Variants in RASSF3 observed in about 807,000 individuals in gnomAD.
The protein encoded by RASSF3 is ras association domain-containing protein 3.
Under a neutral mutation model 19.9 loss-of-function variants are expected in RASSF3, and 19 were observed. The ratio of observed to expected loss-of-function variants is 0.96; its 90% CI spans 0.67 to 1.40. The LOEUF is 1.40. RASSF3 is among the 40% of genes most tolerant of loss of function. RASSF3 has a pLI of 0.00. For synonymous variants in RASSF3, 110 were observed against 104.2 expected, an observed-to-expected ratio of 1.06 and a Z score of -0.34; for missense variants, 306 against 289.8, an observed-to-expected ratio of 1.06 and a Z score of -0.41.
intron 2 of RASSF3, among the ~76,000 whole-genome samples, chr12:64,560,920 G>A (rs771817751): frequency 2.3e-4 from 35 of 152,218 alleles, no homozygotes; most frequent in Non-Finnish European, 1.0e-4. Flanking sequence ...TGCTCAGCCT[G>A]GTTGATGGGG....
intron 2 of RASSF3, among the ~76,000 whole-genome samples, chr12:64,594,837 T>C (rs1429537525): frequency 1.3e-5 from 2 of 152,042 alleles, no homozygotes; most frequent in South Asian, 2.1e-4. Context: ...GGTCTTGAAC[T>C]CTTGGGCTCA....
chr12:64,569,065 G>A (rs1237105826), intron 2 of RASSF3, among the ~76,000 whole-genome samples: 1 of 152,202 alleles, frequency 6.6e-6, no homozygotes, highest in African/African-American at 2.4e-5. Flanking sequence ...CAACTAGGGA[G>A]TCTCAAAGTA....
At chr12:64,620,272 T>G (rs548765911) in intron 1 of RASSF3, among the ~76,000 whole-genome samples, 3 of 152,112 alleles carry the variant, frequency 2.0e-5, no homozygotes, top group Non-Finnish European at 4.4e-5. Context: ...GTGTCAGAAT[T>G]TCCTTCCTTT....
At chr12:64,543,474 G>GCCCCCCCGCTGCCCGCCCCCCGCTC (rs1592395596), downstream of RASSF3, among the ~76,000 whole-genome samples, 1 of 10,750 alleles carries the variant, frequency 9.3e-5, no homozygotes, top group Non-Finnish European at 2.0e-4. Context: ...CCACCCGCCT[G>GCCCCCCCGCTGCCCGCCCCCCGCTC]CCCACCCCCC....
intron 2 of RASSF3, among the ~76,000 whole-genome samples, chr12:64,561,987 G>GTATTCATT (rs1555209199): frequency 7.4e-6 from 1 of 135,342 alleles, no homozygotes; most frequent in South Asian, 2.6e-4. Flanking sequence ...ATGGCCCATA[G>GTATTCATT]TATTTATTTA....
chr12:64,547,660 A>T (rs1367342317), intron 2 of RASSF3, among the ~76,000 whole-genome samples: 1 of 152,184 alleles, frequency 6.6e-6, no homozygotes, highest in African/African-American at 2.4e-5. Flanking sequence ...ATATTTAGTT[A>T]TTTGTCAGCT....
chr12:64,582,864 T>C (rs945924471), intron 2 of RASSF3, among the ~76,000 whole-genome samples: 7 of 152,196 alleles, frequency 4.6e-5, no homozygotes, highest in Non-Finnish European at 7.3e-5. Context: ...TCCCACACTT[T>C]TGGCCAGCGT....
chr12:64,530,057 C>A (rs1160449473), upstream of RASSF3, among the ~76,000 whole-genome samples: 1 of 152,182 alleles, frequency 6.6e-6, no homozygotes, highest in Non-Finnish European at 1.5e-5. Context: ...ACAAATCCAT[C>A]ACTCCAAAAG....
intron 2 of RASSF3, among the ~76,000 whole-genome samples, chr12:64,600,779 A>G (rs1174152877): frequency 6.6e-6 from 1 of 152,214 alleles, no homozygotes. Context: ...ATGAAGCTAT[A>G]ACTTAGAGTT....
At chr12:64,536,443 T>A (rs1868829239) in intron 1 of RASSF3, among the ~76,000 whole-genome samples, 2 of 152,242 alleles carry the variant, frequency 1.3e-5, no homozygotes, top group African/African-American at 2.4e-5. Context: ...AAATGTTTCC[T>A]GTGTTGTTAG....
intron 1 of RASSF3, among the ~76,000 whole-genome samples, chr12:64,657,349 A>G (rs1049622067): frequency 1.3e-5 from 2 of 152,216 alleles, no homozygotes; most frequent in Admixed American, 6.5e-5. Flanking sequence ...CTGGAGATGG[A>G]TGGTAGTGAT....
chr12:64,553,439 T>A (rs1869199004), intron 2 of RASSF3, among the ~76,000 whole-genome samples: 1 of 152,164 alleles, frequency 6.6e-6, no homozygotes, highest in Non-Finnish European at 1.5e-5. Context: ...TTGGAAGAGT[T>A]ATTAAGAATT....
intron 1 of RASSF3, among the ~76,000 whole-genome samples, chr12:64,641,908 A>G (rs1190265928): frequency 1.3e-5 from 2 of 151,824 alleles, no homozygotes; most frequent in East Asian, 3.9e-4. Context: ...ACGCCCGGCT[A>G]ATTTTGTATC....
Position 64,695,488 on chromosome 12 carries a change from T to C in RASSF3, c.*576T>C, listed in dbSNP as rs1868342774. 13 of 153,050 alleles carry C rather than the reference T, an allele frequency of 8.5e-5. No homozygotes were observed. The Admixed American group carries it at 8.5e-4, about 10-fold the overall frequency. The allele number at this position is 153,050 out of a possible 1,614,324, so 9.5% of individuals were successfully genotyped here. A position where few individuals can be genotyped will look rare whatever the true frequency, so the allele number is the denominator to read the frequency against. On this transcript the variant is annotated 3_prime_UTR_variant, in exon 5 of 5. Coordinates refer to ENST00000542104, the MANE Select transcript of RASSF3 (RefSeq NM_178169.4). ...CAAAGTGTAAGTTTGGAAGAAGGCA[T>C]GTGCGGTGGTGGCGAGTGCTGCGGG...
intron 1 of RASSF3, among the ~76,000 whole-genome samples, chr12:64,669,599 T>G (rs552770590): frequency 6.6e-6 from 1 of 152,122 alleles, no homozygotes; most frequent in Non-Finnish European, 1.5e-5. Context: ...TTTTCTCTGC[T>G]TCACATCAGC....
At chr12:64,537,529 A>G (rs961298712) in intron 1 of RASSF3, among the ~76,000 whole-genome samples, 2 of 152,110 alleles carry the variant, frequency 1.3e-5, no homozygotes, top group Non-Finnish European at 2.9e-5. Flanking sequence ...ACAACTTAAT[A>G]AGCTAAACAA....
chr12:64,630,266 C>G (rs1312850438), intron 1 of RASSF3, among the ~76,000 whole-genome samples: 1 of 152,118 alleles, frequency 6.6e-6, no homozygotes, highest in Non-Finnish European at 1.5e-5. Context: ...TGGGTCATGC[C>G]TGTAATCCCA....
Position 64,535,781 on chromosome 12 carries a change from G to A in RASSF3, c.67+2447G>A, listed in dbSNP as rs373367300. ...TGGGTCACTGCAACCTTTGCCTTCCGGGTTCCAGTGATTCTCCTGCCCCAG... is the reference window on the plus strand; with the variant it reads ...TGGGTCACTGCAACCTTTGCCTTCCAGGTTCCAGTGATTCTCCTGCCCCAG... On this transcript the variant is annotated intron_variant, in intron 1 of 1. Coordinates refer to the RASSF3 transcript ENST00000636333. Among the ~76,000 whole-genome samples, 23 of 150,980 alleles carry A rather than the reference G, an allele frequency of 1.5e-4. No homozygotes were observed. In the South Asian group the frequency reaches 4.2e-3, roughly 28 times the overall value.
At position 64,650,557 on chromosome 12, in the gene RASSF3, A is replaced by AG. The variant is rs202076464; in HGVS notation, c.112-34228dup. On this transcript the variant is annotated intron_variant, in intron 1 of 4. Coordinates refer to ENST00000542104, the MANE Select transcript of RASSF3 (RefSeq NM_178169.4). Reference sequence around the variant, plus strand: ...CAGCCTTCTAAGTAGCTGGGATTACAGGTGCGCGCCACCACACCCAGCTAA... The same window carrying AG: ...CAGCCTTCTAAGTAGCTGGGATTACAGGGTGCGCGCCACCACACCCAGCTAA... 9.6e-3 allele frequency among the ~76,000 whole-genome samples: 1,460 copies of AG among 151,598 alleles called. 23 individuals are homozygous for AG. Among genetic ancestry groups the AG allele is most frequent in the African/African-American group, 0.034 (1,407 of 41,352 alleles).
Sources: gnomAD v4.1 joint callset for allele counts (sites outside exome capture counted in the v4.1 genomes callset) on GRCh38, gnomAD v4.1.1 for gene constraint, MANE v1.5 for transcripts, NCBI Gene and HGNC (gene_info 2026-07-23, HGNC 2026-07-21) for gene names.